RALYL: variants seen among roughly 807,000 people sequenced by gnomAD.
The protein encoded by RALYL is RALY RNA binding protein like.
RALYL carries 29 observed loss-of-function variants against 35.1 expected under a neutral mutation model. The observed-to-expected ratio is 0.83, with a 90% CI of 0.61 to 1.13. The LOEUF is 1.13. Among genes scored for constraint, RALYL ranks in the 50% most tolerant of loss-of-function variants. RALYL has a pLI of 0.00. For synonymous variants in RALYL, 120 were observed against 127.6 expected (o/e 0.94, Z 0.40); for missense variants, 359 against 360.4 (o/e 1.00, Z 0.03).
At chr8:84,470,898 C>G (rs542705703) in intron 1 of RALYL, among the ~76,000 whole-genome samples, 40 of 152,264 alleles carry the variant, frequency 2.6e-4, no homozygotes, top group African/African-American at 8.4e-4. Context: ...TTGTTAATCA[C>G]AATCATTTAA....
intron 2 of RALYL, among the ~76,000 whole-genome samples, chr8:84,654,730 G>T (rs1481117957): frequency 6.6e-6 from 1 of 152,026 alleles, no homozygotes; most frequent in Admixed American, 6.6e-5. Flanking sequence ...ATGACCTCAA[G>T]TTCCATCTAT....
chr8:84,668,850 A>T (rs1342789308), intron 2 of RALYL, among the ~76,000 whole-genome samples: 3 of 152,178 alleles, frequency 2.0e-5, no homozygotes, highest in Non-Finnish European at 4.4e-5. Context: ...ATCACAAAAC[A>T]TAAAGAAATC....
chr8:84,321,210 C>A (rs188358989), intron 1 of RALYL, among the ~76,000 whole-genome samples: 10 of 152,206 alleles, frequency 6.6e-5, no homozygotes, highest in African/African-American at 2.4e-4. Flanking sequence ...ACGAGTGGGA[C>A]TTACAGTCTT....
chr8:84,550,238 C>G (rs958488137), intron 2 of RALYL, among the ~76,000 whole-genome samples: 4 of 152,054 alleles, frequency 2.6e-5, no homozygotes, highest in African/African-American at 9.7e-5. Context: ...TCTCTCCCCT[C>G]CACTTTCTCC....
chr8:84,320,071 A>G (rs953962917), intron 1 of RALYL, among the ~76,000 whole-genome samples: 2 of 152,030 alleles, frequency 1.3e-5, no homozygotes, highest in Non-Finnish European at 2.9e-5. Flanking sequence ...TTTGAATTCC[A>G]GTCTCTATAG....
At chr8:84,205,875 C>A (rs1817943611) in intron 1 of RALYL, among the ~76,000 whole-genome samples, 1 of 152,128 alleles carries the variant, frequency 6.6e-6, no homozygotes, top group South Asian at 2.1e-4. Flanking sequence ...GCTGGATGGC[C>A]AAGATCAAGG....
intron 6 of RALYL, among the ~76,000 whole-genome samples, chr8:84,869,594 T>C (rs1005316866): frequency 2.0e-5 from 3 of 152,244 alleles, no homozygotes; most frequent in South Asian, 4.1e-4. Context: ...TTGTGCACTG[T>C]AGGATGTTGA....
At chr8:84,622,474 G>T (rs1821757199) in intron 2 of RALYL, among the ~76,000 whole-genome samples, 1 of 152,142 alleles carries the variant, frequency 6.6e-6, no homozygotes, top group South Asian at 2.1e-4. Flanking sequence ...TAAATTTTGA[G>T]CAGATTTTAC....
In RALYL at chr8:84,467,774, GT is replaced by G. The variant is rs1268685510; in HGVS notation, c.-23-61524del. Among the ~76,000 whole-genome samples, 3 of 146,896 alleles carry G rather than the reference GT, an allele frequency of 2.0e-5. No homozygotes were observed. In the Admixed American group the frequency reaches 2.1e-4, roughly 10 times the overall value. ...AGTCTCCCATTATTAATGTGTGGGAGTCTAAGTCTCTTTGTAGGTCACTCAG... is the reference window on the plus strand; with the variant it reads ...AGTCTCCCATTATTAATGTGTGGGAGCTAAGTCTCTTTGTAGGTCACTCAG... On this transcript the variant is annotated intron_variant, in intron 1 of 8. Transcript: ENST00000521268.
chr8:84,868,933 TTGTATTA>T (rs1252987137), intron 6 of RALYL, among the ~76,000 whole-genome samples: 2 of 152,058 alleles, frequency 1.3e-5, no homozygotes, highest in African/African-American at 4.8e-5. Context: ...GCTTCAAAAA[TTGTATTA>T]TGTATTATGT....
At chr8:84,685,340 T>C (rs1481539027) in intron 2 of RALYL, among the ~76,000 whole-genome samples, 2 of 152,124 alleles carry the variant, frequency 1.3e-5, no homozygotes, top group African/African-American at 4.8e-5. Context: ...CCATCAACTC[T>C]ATGCCACCAG....
At chr8:84,246,698 T>C (rs1363231252) in intron 1 of RALYL, among the ~76,000 whole-genome samples, 2 of 152,062 alleles carry the variant, frequency 1.3e-5, no homozygotes, top group South Asian at 2.1e-4. Context: ...GAGGACTGAT[T>C]GGTGATGAGG....
chr8:84,759,833 G>A (rs551703223), intron 2 of RALYL, among the ~76,000 whole-genome samples: 7 of 152,184 alleles, frequency 4.6e-5, no homozygotes, highest in South Asian at 2.1e-4. Context: ...ATACTGTTAC[G>A]TATCTGTGAT....
chr8:84,275,956 TA>T (rs899725598), intron 1 of RALYL, among the ~76,000 whole-genome samples: 20 of 151,988 alleles, frequency 1.3e-4, no homozygotes, highest in Non-Finnish European at 2.8e-4. Flanking sequence ...AACTAATTTT[TA>T]AAAAAAATAT....
chr8:84,484,240 C>T (rs1402606515), intron 1 of RALYL, among the ~76,000 whole-genome samples: 1 of 152,020 alleles, frequency 6.6e-6, no homozygotes, highest in Non-Finnish European at 1.5e-5. Flanking sequence ...AGTGTGTCTG[C>T]TCTGCAAGGG....
At chr8:84,243,500 A>AATT (rs1828431102) in intron 1 of RALYL, among the ~76,000 whole-genome samples, 1 of 89,376 alleles carries the variant, frequency 1.1e-5, no homozygotes, top group African/African-American at 4.7e-5. Context: ...TCTCTCTCAC[A>AATT]CTTTTTTTTT....
chr8:84,548,870 C>T (rs143206002), intron 2 of RALYL, among the ~76,000 whole-genome samples: 72 of 152,030 alleles, frequency 4.7e-4, no homozygotes, highest in African/African-American at 1.6e-3. Flanking sequence ...TGTGATGTTT[C>T]GCTTTGCTTG....
intron 1 of RALYL, among the ~76,000 whole-genome samples, chr8:84,366,035 G>T (rs1217692280): frequency 6.6e-6 from 1 of 152,136 alleles, no homozygotes; most frequent in Non-Finnish European, 1.5e-5. Flanking sequence ...ACTTGCTCTA[G>T]ATTCATGGTC....
chr8:84,545,142 C>A (rs1359958833), intron 2 of RALYL, among the ~76,000 whole-genome samples: 1 of 152,006 alleles, frequency 6.6e-6, no homozygotes, highest in Non-Finnish European at 1.5e-5. Flanking sequence ...TTTACCATAT[C>A]CATACAGTTA....
Sources: gnomAD v4.1 joint callset for allele counts (sites outside exome capture counted in the v4.1 genomes callset) on GRCh38, gnomAD v4.1.1 for gene constraint, MANE v1.5 for transcripts, NCBI Gene and HGNC (gene_info 2026-07-23, HGNC 2026-07-21) for gene names.